The following LARGE1 variants were observed in gnomAD, a reference collection of about 807,000 sequenced individuals.
LARGE1 encodes xylosyl- and glucuronyltransferase LARGE1.
In LARGE1, 43 loss-of-function variants were observed where a neutral mutation model predicts 87.6. The observed-to-expected ratio is 0.49, with a 90% CI of 0.38 to 0.63. LARGE1 has a LOEUF of 0.63. Ranked by LOEUF, LARGE1 falls within the 30% of genes least tolerant of loss-of-function variation. The probability of loss-of-function intolerance (pLI) is 0.00; values close to 1 mark genes in which losing one functional copy is unlikely to be tolerated. For missense variants in LARGE1, 802 were observed against 1,000.2 expected, an observed-to-expected ratio of 0.80 and a Z score of 2.67; for synonymous variants, 434 against 394.6, an observed-to-expected ratio of 1.10 and a Z score of -1.18.
intron 2 of LARGE1, among the ~76,000 whole-genome samples, chr22:33,730,072 A>C (rs1308760392): frequency 1.3e-5 from 2 of 152,164 alleles, no homozygotes; most frequent in Non-Finnish European, 2.9e-5. Flanking sequence ...ACGGGTTTAA[A>C]GTGCATGAGT....
intron 1 of LARGE1, among the ~76,000 whole-genome samples, chr22:33,852,749 G>A (rs1053425748): frequency 1.3e-5 from 2 of 151,278 alleles, no homozygotes; most frequent in East Asian, 4.0e-4. Context: ...CCAGCTACTT[G>A]GGAGGCTGAG....
At chr22:33,568,460 C>G (rs539015496) in intron 5 of LARGE1, among the ~76,000 whole-genome samples, 2 of 152,230 alleles carry the variant, frequency 1.3e-5, no homozygotes, top group Non-Finnish European at 2.9e-5. Flanking sequence ...AAATGAACAA[C>G]AACAAAATCA....
At chr22:33,077,962 G>A in the LARGE1 span, among the ~76,000 whole-genome samples, 1 of 150,778 alleles carries the variant, frequency 6.6e-6, no homozygotes, top group Non-Finnish European at 1.5e-5. Flanking sequence ...TTCAAAACTA[G>A]TCTCCTTTTG....
At chr22:33,740,980 A>C (rs1222204398) in intron 2 of LARGE1, among the ~76,000 whole-genome samples, 1 of 152,244 alleles carries the variant, frequency 6.6e-6, no homozygotes, top group African/African-American at 2.4e-5. Flanking sequence ...CCAGAAGAGT[A>C]GGCCTTGTGC....
intron 11 of LARGE1, among the ~76,000 whole-genome samples, chr22:33,249,699 TTTGAG>T (rs1926927988): frequency 6.6e-6 from 1 of 152,210 alleles, no homozygotes; most frequent in African/African-American, 2.4e-5. Context: ...TATGATCCAC[TTTGAG>T]TTAATTTTTG....
chr22:33,622,349 G>A (rs1229852215), intron 4 of LARGE1, among the ~76,000 whole-genome samples: 1 of 152,108 alleles, frequency 6.6e-6, no homozygotes, highest in Non-Finnish European at 1.5e-5. Context: ...GCCATCTTGT[G>A]AAGAAGATGC....
intron 11 of LARGE1, among the ~76,000 whole-genome samples, chr22:33,231,211 C>A (rs1925989978): frequency 6.6e-6 from 1 of 152,152 alleles, no homozygotes; most frequent in South Asian, 2.1e-4. Context: ...AAGTGTAAAT[C>A]TTCTCTATCA....
At chr22:33,385,527 CAAAAAAAAA>C (rs75780176) in intron 7 of LARGE1, among the ~76,000 whole-genome samples, 1 of 19,442 alleles carries the variant, frequency 5.1e-5, no homozygotes, top group African/African-American at 1.4e-4. Flanking sequence ...GACACCGTCT[CAAAAAAAAA>C]AAAAAAAAAA....
chr22:33,109,894 C>T, the LARGE1 span, among the ~76,000 whole-genome samples: 5 of 152,196 alleles, frequency 3.3e-5, no homozygotes, highest in Admixed American at 2.6e-4. Flanking sequence ...TTGTAAGATT[C>T]CTGAGGCCCT....
At chr22:33,155,578 G>T in the LARGE1 span, among the ~76,000 whole-genome samples, 8 of 152,272 alleles carry the variant, frequency 5.3e-5, no homozygotes, top group Non-Finnish European at 8.8e-5. Flanking sequence ...AGGTGACTTG[G>T]TTGCTGTTAA....
chr22:33,122,258 C>G, the LARGE1 span, among the ~76,000 whole-genome samples: 3 of 152,142 alleles, frequency 2.0e-5, no homozygotes, highest in East Asian at 3.9e-4. Flanking sequence ...TGCCTCACCC[C>G]CCTCCACACA....
At chr22:33,636,097 AT>A (rs562156319) in intron 3 of LARGE1, among the ~76,000 whole-genome samples, 2 of 152,168 alleles carry the variant, frequency 1.3e-5, no homozygotes, top group Non-Finnish European at 2.9e-5. Context: ...CTGCTTTAGG[AT>A]TGACTTTCTT....
chr22:33,346,397 G>T (rs1004945191), intron 9 of LARGE1, among the ~76,000 whole-genome samples: 1 of 151,802 alleles, frequency 6.6e-6, no homozygotes, highest in African/African-American at 2.4e-5. Flanking sequence ...CCACCTCCCC[G>T]GTTTAAGCGA....
intron 1 of LARGE1, among the ~76,000 whole-genome samples, chr22:33,799,126 T>C (rs549469466): frequency 6.6e-6 from 1 of 152,044 alleles, no homozygotes; most frequent in African/African-American, 2.4e-5. Flanking sequence ...GCTTGATCCA[T>C]GCATGGATGG....
At chr22:33,411,981 A>T (rs9609781) in intron 7 of LARGE1, among the ~76,000 whole-genome samples, 9,145 of 152,256 alleles carry the variant, frequency 0.06, 529 homozygotes, top group Admixed American at 0.19. Context: ...CTTTCAGGGA[A>T]TGTGAAAAAT....
chr22:33,251,349 AT>A (rs942023307), intron 11 of LARGE1, among the ~76,000 whole-genome samples: 1 of 151,998 alleles, frequency 6.6e-6, no homozygotes, highest in African/African-American at 2.4e-5. Context: ...GTACTTAACT[AT>A]TTTTGTTTAT....
At chr22:33,792,930 C>G in intron 1 of LARGE1, among the ~76,000 whole-genome samples, 1 of 152,202 alleles carries the variant, frequency 6.6e-6, no homozygotes, top group Admixed American at 6.5e-5. Flanking sequence ...AAAGAAGACA[C>G]TGACATTGAG....
intron 11 of LARGE1, among the ~76,000 whole-genome samples, chr22:33,195,860 T>C (rs1050127245): frequency 2.0e-4 from 30 of 151,268 alleles, no homozygotes; most frequent in African/African-American, 7.3e-4. Flanking sequence ...GTTCACGCTA[T>C]TCTCCTGCCT....
intron 3 of LARGE1, among the ~76,000 whole-genome samples, chr22:33,635,562 T>G (rs1441589404): frequency 6.6e-6 from 1 of 152,074 alleles, no homozygotes; most frequent in Non-Finnish European, 1.5e-5. Flanking sequence ...GATTTAGAAT[T>G]TCTATACAGC....
Sources: gnomAD v4.1 joint callset for allele counts (sites outside exome capture counted in the v4.1 genomes callset) on GRCh38, gnomAD v4.1.1 for gene constraint, MANE v1.5 for transcripts, NCBI Gene and HGNC (gene_info 2026-07-23, HGNC 2026-07-21) for gene names.